GSE1: variants seen among roughly 807,000 people sequenced by gnomAD.
GSE1 encodes the protein Gse1 coiled-coil protein.
Under a neutral mutation model 112.6 loss-of-function variants are expected in GSE1, and 32 were observed. That is an observed-to-expected ratio of 0.28 (90% CI 0.21 to 0.38). The LOEUF is 0.38. Among genes scored for constraint, GSE1 ranks in the 10% least tolerant of loss-of-function variants. The probability of loss-of-function intolerance (pLI) is 1.00; values close to 1 mark genes in which losing one functional copy is unlikely to be tolerated. For missense variants in GSE1, 2,348 were observed against 1,699.2 expected, an observed-to-expected ratio of 1.38 and a Z score of -6.71; for synonymous variants, 1,115 against 735.6, an observed-to-expected ratio of 1.52 and a Z score of -8.35.
chr16:85,588,719 A>G (rs1206499747), intron 1 of GSE1, among the ~76,000 whole-genome samples: 2 of 152,164 alleles, frequency 1.3e-5, no homozygotes. Context: ...AGGCGGCGAA[A>G]TCTGCCGTGG....
chr16:85,191,637 C>G (rs1461632256), intron 1 of GSE1, among the ~76,000 whole-genome samples: 1 of 152,196 alleles, frequency 6.6e-6, no homozygotes, highest in African/African-American at 2.4e-5. Flanking sequence ...CGCTGTGCCT[C>G]TTCTGCTCAC....
At chr16:85,362,408 T>A (rs1363766468) in intron 2 of GSE1, among the ~76,000 whole-genome samples, 1 of 152,180 alleles carries the variant, frequency 6.6e-6, no homozygotes, top group Non-Finnish European at 1.5e-5. Flanking sequence ...GCAGCCACCT[T>A]GGGAGAGAAG....
At chr16:85,420,514 C>T (rs535908303) in intron 2 of GSE1, among the ~76,000 whole-genome samples, 7 of 150,340 alleles carry the variant, frequency 4.7e-5, no homozygotes, top group Non-Finnish European at 1.0e-4. Context: ...GCTTCCAGGG[C>T]CAAGGGGGGT....
At chr16:85,336,925 AATGCACACGCTGAC>A (rs2046501109) in intron 1 of GSE1, among the ~76,000 whole-genome samples, 2 of 152,246 alleles carry the variant, frequency 1.3e-5, no homozygotes, top group Non-Finnish European at 2.9e-5. Context: ...TGCCCACACA[AATGCACACGCTGAC>A]ATGCACACAT....
intron 2 of GSE1, among the ~76,000 whole-genome samples, chr16:85,493,476 G>A (rs1000899218): frequency 6.6e-6 from 1 of 152,032 alleles, no homozygotes; most frequent in African/African-American, 2.4e-5. Flanking sequence ...AGCTGTGGCC[G>A]GGCACAGTGG....
chr16:85,337,509 G>A (rs1230647749), intron 1 of GSE1, among the ~76,000 whole-genome samples: 1 of 151,818 alleles, frequency 6.6e-6, no homozygotes, highest in African/African-American at 2.4e-5. Flanking sequence ...GTTTCACCGT[G>A]TTAGCCAGGA....
rs979598955 is a variant in GSE1, at chr16:85,654,183, C to T, written c.427-95C>T. ...GATGTTTCTAGAACATGAACTAAAT[C>T]TAGCGCCTTCCCGTGAGTCAGGAGA... is the stretch of plus-strand genomic sequence containing the variant. On this transcript the variant is annotated intron_variant, in intron 3 of 15. Coordinates refer to ENST00000253458, the MANE Select transcript of GSE1 (RefSeq NM_014615.5). The T allele has an allele frequency of 2.8e-5, 32 of 1,138,476 alleles. No individual in the cohort carries two copies. In the African/African-American group the frequency reaches 4.4e-4, roughly 15 times the overall value. The allele number at this position is 1,138,476 out of a possible 1,614,324, so 70.5% of individuals were successfully genotyped here.
At chr16:85,170,124 C>T in exon 1 of GSE1, 1 of 985,356 alleles carries the variant, frequency 1.0e-6, no homozygotes, top group Non-Finnish European at 1.2e-6. Flanking sequence ...AGGACGGGGC[C>T]CCAGGGCCAG....
chr16:85,175,277 C>T (rs1337287984), intron 1 of GSE1, among the ~76,000 whole-genome samples: 1 of 152,134 alleles, frequency 6.6e-6, no homozygotes, highest in African/African-American at 2.4e-5. Flanking sequence ...TTCGCCAGGG[C>T]TGTGTCTGGG....
intron 1 of GSE1, among the ~76,000 whole-genome samples, chr16:85,297,215 C>T (rs906614925): frequency 5.9e-5 from 9 of 152,198 alleles, no homozygotes; most frequent in Admixed American, 4.6e-4. Context: ...TGGAGTTGCT[C>T]GGAGCATCTG....
chr16:85,589,389 G>A (rs1288473037), intron 1 of GSE1, among the ~76,000 whole-genome samples: 2 of 152,124 alleles, frequency 1.3e-5, no homozygotes, highest in Non-Finnish European at 2.9e-5. Flanking sequence ...TGGATGCTGG[G>A]TGGGCAGGGC....
chr16:85,609,273 CTG>C (rs1233146037), upstream of GSE1, among the ~76,000 whole-genome samples: 4 of 152,366 alleles, frequency 2.6e-5, no homozygotes, highest in African/African-American at 7.2e-5. Context: ...AGGTCTTGCT[CTG>C]TGGCTCAAGC....
At chr16:85,657,894 G>A (rs1239047213) in intron 8 of GSE1, among the ~76,000 whole-genome samples, 1 of 152,174 alleles carries the variant, frequency 6.6e-6, no homozygotes, top group Non-Finnish European at 1.5e-5. Context: ...GTTCCCAGGA[G>A]GCCATTCACA....
At chr16:85,481,061 G>A (rs1244878189) in intron 2 of GSE1, among the ~76,000 whole-genome samples, 4 of 151,966 alleles carry the variant, frequency 2.6e-5, no homozygotes, top group Non-Finnish European at 4.4e-5. Flanking sequence ...CTCCGGCCTC[G>A]GTTTCGGCGT....
At chr16:85,597,032 C>T (rs192405623) in intron 1 of GSE1, among the ~76,000 whole-genome samples, 92 of 152,074 alleles carry the variant, frequency 6.0e-4, no homozygotes, top group African/African-American at 2.2e-3. Context: ...GGCTGGAGTA[C>T]AGTGGCATGA....
At chr16:85,290,212 C>T (rs2151438533) in intron 1 of GSE1, among the ~76,000 whole-genome samples, 1 of 152,310 alleles carries the variant, frequency 6.6e-6, no homozygotes, top group East Asian at 1.9e-4. Flanking sequence ...AGCCTTCCTG[C>T]CCCTGGCCAA....
Position 85,657,616 on chromosome 16 carries a change from C to T in GSE1, c.1640+12C>T. 2 of 1,495,142 alleles carry T rather than the reference C, an allele frequency of 1.3e-6. No homozygotes were observed. The highest frequency in any genetic ancestry group is 8.9e-7 in the Non-Finnish European group (1 of 1,121,956). 92.6% of individuals were successfully genotyped at this position (1,495,142 alleles called of 1,614,324 possible). A position where few individuals can be genotyped will look rare whatever the true frequency, so the allele number is the denominator to read the frequency against. On this transcript the variant is annotated intron_variant, in intron 8 of 15. Transcript: ENST00000253458. ...GAGAGCACCACCAGGTGAGTGAGCC[C>T]CAGGAAGGAAGGAGGGATGAGCCTT... is the stretch of plus-strand genomic sequence containing the variant.
At chr16:85,456,641 G>GTGTGTGTGT (rs1567502079) in intron 2 of GSE1, among the ~76,000 whole-genome samples, 16 of 94,112 alleles carry the variant, frequency 1.7e-4, no homozygotes, top group African/African-American at 5.5e-4. Context: ...TGTGTGTGTG[G>GTGTGTGTGT]TCTGCCATTT....
At chr16:85,508,418 C>T (rs1206160033) in intron 2 of GSE1, among the ~76,000 whole-genome samples, 2 of 152,184 alleles carry the variant, frequency 1.3e-5, no homozygotes, top group African/African-American at 4.8e-5. Flanking sequence ...TGTTTCCACA[C>T]CACCAGGGGC....
Sources: gnomAD v4.1 joint callset for allele counts (sites outside exome capture counted in the v4.1 genomes callset) on GRCh38, gnomAD v4.1.1 for gene constraint, MANE v1.5 for transcripts, NCBI Gene and HGNC (gene_info 2026-07-23, HGNC 2026-07-21) for gene names.